The following DDX25 variants were observed in gnomAD, a reference collection of about 807,000 sequenced individuals.
The protein encoded by DDX25 is DEAD-box helicase 25, also known as ATP-dependent RNA helicase DDX25.
In DDX25, 70 loss-of-function variants were observed where a neutral mutation model predicts 64.6. That is an observed-to-expected ratio of 1.08 (90% CI 0.89 to 1.32). The LOEUF is 1.32. Among genes scored for constraint, DDX25 ranks in the 40% most tolerant of loss-of-function variants. The pLI is 0.00. For missense variants in DDX25, 587 were observed against 604.4 expected (o/e 0.97, Z 0.30); for synonymous variants, 211 against 213.3 (o/e 0.99, Z 0.09).
At chr11:125,904,279 GCCCTCC>G (rs1944840599), upstream of DDX25, 1 of 49,478 alleles carries the variant, frequency 2.0e-5, no homozygotes, top group African/African-American at 1.0e-4. Flanking sequence ...CCCGCTCTCT[GCCCTCC>G]GCCCCGCTCT....
intron 8 of DDX25, among the ~76,000 whole-genome samples, chr11:125,914,138 T>C (rs1162299601): frequency 6.6e-6 from 1 of 152,250 alleles, no homozygotes; most frequent in Non-Finnish European, 1.5e-5. Flanking sequence ...GTTTCCTTTT[T>C]GTTTGCTACA....
In DDX25 at chr11:125,918,864, C is replaced by T. The variant is rs1013501125; in HGVS notation, c.1201+74C>T. ...TGCATTCCTTTTAAGTGTACAGTTT[C>T]GCGAGTTTCGACAAACATGCAATCA... is the stretch of plus-strand genomic sequence containing the variant. On this transcript the variant is annotated intron_variant, in intron 10 of 11. Coordinates refer to ENST00000263576, the MANE Select transcript of DDX25 (RefSeq NM_013264.5). 4.8e-5 allele frequency: 69 copies of T among 1,447,310 alleles called. 1 individual carries two copies. In the Middle Eastern group the frequency reaches 5.4e-4, roughly 11 times the overall value. 89.7% of individuals were successfully genotyped at this position (1,447,310 alleles called of 1,614,324 possible). A position where few individuals can be genotyped will look rare whatever the true frequency, so the allele number is the denominator to read the frequency against.
chr11:125,913,368 A>T (rs1267384951), intron 8 of DDX25, among the ~76,000 whole-genome samples: 1 of 152,096 alleles, frequency 6.6e-6, no homozygotes, highest in African/African-American at 2.4e-5. Context: ...TGCCTTCCTG[A>T]AAAACAATAT....
At chr11:125,904,328 C>G, upstream of DDX25, 1 of 416,298 alleles carries the variant, frequency 2.4e-6, no homozygotes, top group Admixed American at 4.5e-5. Context: ...CCCCCCGCCC[C>G]GCTCTCTGCC....
intron 10 of DDX25, among the ~76,000 whole-genome samples, chr11:125,919,237 A>G (rs1945079990): frequency 6.6e-6 from 1 of 152,222 alleles, no homozygotes; most frequent in South Asian, 2.1e-4. Context: ...ATATTTAACA[A>G]GGCAGTAACA....
At position 125,925,157 on chromosome 11, in the gene DDX25, A is replaced by T. The variant is rs1945156249; in HGVS notation, c.*2276A>T. The T allele has an allele frequency of 3.7e-6, 1 of 273,060 alleles. No individual in the cohort carries two copies. The highest frequency in any genetic ancestry group is 7.4e-6 in the Non-Finnish European group (1 of 134,404). The allele number at this position is 273,060 out of a possible 1,614,324, so 16.9% of individuals were successfully genotyped here. A position where few individuals can be genotyped will look rare whatever the true frequency, so the allele number is the denominator to read the frequency against. On this transcript the variant is annotated 3_prime_UTR_variant, in exon 12 of 12. Coordinates refer to ENST00000263576, the MANE Select transcript of DDX25 (RefSeq NM_013264.5). ...ATTCGAGAATCGAGTTGGACCTTCC[A>T]CCGTGCTCAGCTCCGCCTTGGGGTG...
upstream of DDX25, chr11:125,903,328 A>G: frequency 1.4e-6 from 1 of 708,806 alleles, no homozygotes; most frequent in Non-Finnish European, 1.7e-6. Flanking sequence ...GAGGTTTTCT[A>G]GTCCAGCTAC....
In DDX25 at chr11:125,917,548, C is replaced by T. The variant is rs57606735; in HGVS notation, c.1038+297C>T. On this transcript the variant is annotated intron_variant, in intron 9 of 11. Transcript: ENST00000263576. ...GTTTATTGTACCTTGTACAGATACC[C>T]TTTATCAGGTGAAGGATGTTATTCA... 0.016 allele frequency among the ~76,000 whole-genome samples: 2,487 copies of T among 152,314 alleles called. 84 individuals carry two copies. Among genetic ancestry groups the T allele is most frequent in the African/African-American group, 0.056 (2,323 of 41,558 alleles).
rs1945156264 is a variant in DDX25 at position 125,925,159 on chromosome 11, C to T, written c.*2278C>T. The stretch of plus-strand genomic sequence containing the variant: ...TCGAGAATCGAGTTGGACCTTCCAC[C>T]GTGCTCAGCTCCGCCTTGGGGTGTC... On this transcript the variant is annotated 3_prime_UTR_variant, in exon 12 of 12. Coordinates refer to ENST00000263576, the MANE Select transcript of DDX25 (RefSeq NM_013264.5). 1.1e-5 allele frequency: 3 copies of T among 271,712 alleles called. No homozygotes were observed. The highest frequency in any genetic ancestry group is 2.2e-5 in the Non-Finnish European group (3 of 133,562). The allele number at this position is 271,712 out of a possible 1,614,324, so 16.8% of individuals were successfully genotyped here. A position where few individuals can be genotyped will look rare whatever the true frequency, so the allele number is the denominator to read the frequency against.
At chr11:125,905,645 T>A in intron 3 of DDX25, 48 bp downstream of exon 3, 1 of 1,512,376 alleles carries the variant, frequency 6.6e-7, no homozygotes, top group African/African-American at 1.4e-5. Flanking sequence ...TCTGTTTCCG[T>A]TTATAACTTT....
intron 8 of DDX25, among the ~76,000 whole-genome samples, chr11:125,913,082 C>T (rs1411380759): frequency 4.7e-5 from 7 of 148,916 alleles, no homozygotes; most frequent in Non-Finnish European, 1.0e-4. Flanking sequence ...GGCGTGAACC[C>T]GGGAGGCGGA....
intron 7 of DDX25, 117 bp downstream of exon 7, chr11:125,910,595 A>G: frequency 1.2e-6 from 1 of 847,632 alleles, no homozygotes; most frequent in Non-Finnish European, 1.9e-6. Flanking sequence ...AATACCACTC[A>G]TGTCATAGAG....
Position 125,917,167 on chromosome 11 carries a change from G to A in DDX25, c.954G>A (p.Leu318=). 1.2e-6 allele frequency: 2 copies of A among 1,611,540 alleles called. No individual in the cohort carries two copies. Among genetic ancestry groups the A allele is most frequent in the Non-Finnish European group, 1.7e-6 (2 of 1,179,004 alleles). Residue 318 remains leucine (L), a synonymous_variant, in exon 9 of 12, where the codon CTG becomes CTA. Coordinates refer to ENST00000263576, the MANE Select transcript of DDX25 (RefSeq NM_013264.5). The part of the protein sequence containing the change: ...TLNNIRQYYV[L]CEHRKDKYQA... ...ACAACATCCGGCAATATTACGTGCT[G>A]TGTGAGCACAGGAAAGACAAATACC...
At position 125,923,143 on chromosome 11, in the gene DDX25, TG is replaced by T; in HGVS notation, c.*267del. ...ACAGGTAATGTCTCAATGTGGGCTA[TG>T]GGGGTGTTTTTGGATTTGGTTGATA... On this transcript the variant is annotated 3_prime_UTR_variant, in exon 12 of 12. Transcript: ENST00000263576. 1 of 413,378 alleles carries T rather than the reference TG, an allele frequency of 2.4e-6. No individual in the cohort carries two copies. The highest frequency in any genetic ancestry group is 3.8e-5 in the South Asian group (1 of 26,632). The allele number at this position is 413,378 out of a possible 1,614,324, so 25.6% of individuals were successfully genotyped here.
chr11:125,926,404 ACTATGAAATCATCACAGT>A lies in DDX25; in HGVS notation c.*3526_*3543del, dbSNP rs1945168055. On this transcript the variant is annotated 3_prime_UTR_variant, in exon 12 of 12. Transcript: ENST00000263576. ...ACCCTCATATCATATTAACCCACAG[ACTATGAAATCATCACAGT>A]CTTGTTCTATGCTACAGGGAATACG... The A allele has an allele frequency of 6.6e-6, 1 of 152,234 alleles. No individual in the cohort carries two copies. Among genetic ancestry groups the A allele is most frequent in the Admixed American group, 6.5e-5 (1 of 15,278 alleles). 9.4% of individuals were successfully genotyped at this position (152,234 alleles called of 1,614,324 possible).
chr11:125,917,210 T>C lies in DDX25; in HGVS notation c.997T>C (p.Tyr333His). The change falls in exon 9 of 12, where the codon TAT (tyrosine) becomes CAT (histidine). Residue 333 changes from tyrosine (Y) to histidine (H), a missense_variant. Tyr to His is a moderately conservative substitution (Grantham distance 83). Coordinates refer to ENST00000263576, the MANE Select transcript of DDX25 (RefSeq NM_013264.5). ...KDKYQALCNI[Y>H]GSITIGQAII... ...CAAATACCAAGCTCTGTGCAACATT[T>C]ATGGCAGCATCACCATTGGTCAGGC... 6.2e-7 allele frequency: 1 copy of C among 1,610,094 alleles called. No individual in the cohort carries two copies.
rs1945116500 is a variant in DDX25, at chr11:125,921,567, A to G, written c.1390+188A>G. The G allele has an allele frequency of 1.6e-6, 1 of 626,200 alleles. No individual in the cohort carries two copies. Among genetic ancestry groups the G allele is most frequent in the Admixed American group, 3.1e-5 (1 of 32,266 alleles). 38.8% of individuals were successfully genotyped at this position (626,200 alleles called of 1,614,324 possible). A position where few individuals can be genotyped will look rare whatever the true frequency, so the allele number is the denominator to read the frequency against. On this transcript the variant is annotated intron_variant, in intron 11 of 11. Transcript: ENST00000263576. This position sits in a 1 kb window ranked among gnomAD's most constrained non-coding sequence, Gnocchi z 4.1. ...GATGATTAAATAATGCTTATATGGT[A>G]ATTAAAAATTATTTTGATCAAGCAG...
intron 8 of DDX25, among the ~76,000 whole-genome samples, 177 bp from the exon 9 acceptor site, chr11:125,916,837 C>A (rs979926978): frequency 6.6e-6 from 1 of 152,146 alleles, no homozygotes; most frequent in Admixed American, 6.6e-5. Flanking sequence ...TTTCTAAATT[C>A]TTGGTGGCAA....
chr11:125,904,569 C>G lies in DDX25; in HGVS notation c.52C>G (p.Leu18Val), dbSNP rs934866894. The G allele has an allele frequency of 3.8e-5, 56 of 1,492,922 alleles. No individual in the cohort carries two copies. The highest frequency in any genetic ancestry group is 4.4e-5 in the Non-Finnish European group (49 of 1,121,758). 92.5% of individuals were successfully genotyped at this position (1,492,922 alleles called of 1,614,324 possible). A position where few individuals can be genotyped will look rare whatever the true frequency, so the allele number is the denominator to read the frequency against. Residue 18 changes from leucine to valine, a missense_variant, in exon 1 of 12, where the codon CTG becomes GTG. Coordinates refer to ENST00000263576, the MANE Select transcript of DDX25 (RefSeq NM_013264.5). The stretch of plus-strand genomic sequence containing the variant: ...CGCAGGGGCGGCGGAGAGCGAGCGG[C>G]TGAACAGCCACGTAACCGCCACCGA... The part of the protein sequence containing the change: ...GDAGAAESER[L>V]NSHFSNLSQP...
Sources: allele counts gnomAD v4.1 joint callset (sites outside exome capture counted in the v4.1 genomes callset), GRCh38; gene constraint gnomAD v4.1.1; non-coding constraint Gnocchi (gnomAD v3.1); transcripts MANE v1.5; gene names NCBI Gene and HGNC (gene_info 2026-07-23, HGNC 2026-07-21).